Variants in PLOD1 observed in about 807,000 individuals in gnomAD.
PLOD1 encodes the protein lysine hydroxylase.
Under a neutral mutation model 94.7 loss-of-function variants are expected in PLOD1, and 70 were observed. The ratio of observed to expected loss-of-function variants is 0.74; its 90% CI spans 0.61 to 0.90. PLOD1 has a LOEUF of 0.90. Among genes scored for constraint, PLOD1 ranks in the 40% least tolerant of loss-of-function variants. PLOD1 has a pLI of 0.00. For synonymous variants in PLOD1, 417 were observed against 400.2 expected (o/e 1.04, Z -0.50); for missense variants, 905 against 972.7 (o/e 0.93, Z 0.93).
chr1:11,949,749 G>C, intron 2 of PLOD1, 24 bp from the exon 3 acceptor site: 1 of 1,611,970 alleles, frequency 6.2e-7, no homozygotes, highest in Non-Finnish European at 8.5e-7. Context: ...CCAAAAGCCC[G>C]TGTTAAGGGG....
In PLOD1 at chr1:11,960,779, G is replaced by T; in HGVS notation, c.1097+12G>T. 1 of 1,612,520 alleles carries T rather than the reference G, an allele frequency of 6.2e-7. No individual in the cohort carries two copies. On this transcript the variant is annotated intron_variant, in intron 10 of 18. Coordinates refer to ENST00000196061, the MANE Select transcript of PLOD1 (RefSeq NM_000302.4). ...AGGAACATGGGCGCGTGAGTTGTGG[G>T]CCACAGTACTCTCCACTGACAGTGG... is the stretch of plus-strand genomic sequence containing the variant.
intron 15 of PLOD1, chr1:11,966,530 G>C (rs1215194391): frequency 6.9e-6 from 3 of 435,886 alleles, no homozygotes; most frequent in African/African-American, 2.1e-5. Flanking sequence ...GGATGGGGGT[G>C]GGGGGAGGCA....
Position 11,972,735 on chromosome 1 carries a change from A to G in PLOD1, c.1903-137A>G. ...CAGGTAGTTGCAGGCACTCGAGCATAGAGCCCCATGTAGACCTGGCCCCTG... is the reference window on the plus strand; with the variant it reads ...CAGGTAGTTGCAGGCACTCGAGCATGGAGCCCCATGTAGACCTGGCCCCTG... On this transcript the variant is annotated intron_variant, in intron 17 of 18. Coordinates refer to ENST00000196061, the MANE Select transcript of PLOD1 (RefSeq NM_000302.4). This position sits in a 1 kb window ranked among gnomAD's most constrained non-coding sequence, Gnocchi z 4.6. 1 of 878,482 alleles carries G rather than the reference A, an allele frequency of 1.1e-6. No individual in the cohort carries two copies. Among genetic ancestry groups the G allele is most frequent in the South Asian group, 1.3e-5 (1 of 74,092 alleles). The allele number at this position is 878,482 out of a possible 1,614,324, so 54.4% of individuals were successfully genotyped here. A position where few individuals can be genotyped will look rare whatever the true frequency, so the allele number is the denominator to read the frequency against.
In PLOD1 at chr1:11,964,157, G is replaced by A; in HGVS notation, c.1203-18G>A. The A allele has an allele frequency of 6.2e-7, 1 of 1,613,644 alleles. No homozygotes were observed. The highest frequency in any genetic ancestry group is 8.5e-7 in the Non-Finnish European group (1 of 1,179,870). Reference sequence around the variant, plus strand: ...CCAGTGGGCAGCGACCTCCTACTGAGGTGCTCCCTTCCCTCAGGAACGTCA... The same window carrying A: ...CCAGTGGGCAGCGACCTCCTACTGAAGTGCTCCCTTCCCTCAGGAACGTCA... On this transcript the variant is annotated intron_variant, in intron 11 of 18. Coordinates refer to ENST00000196061, the MANE Select transcript of PLOD1 (RefSeq NM_000302.4).
Position 11,953,588 on chromosome 1 carries a change from T to C in PLOD1, c.579+853T>C, listed in dbSNP as rs199783743. Among the ~76,000 whole-genome samples, 13 of 151,560 alleles carry C rather than the reference T, an allele frequency of 8.6e-5. No homozygotes were observed. In the East Asian group the frequency reaches 2.6e-3, roughly 31 times the overall value. ...GGGTGGATCACCTGAGGTCAGGAGT[T>C]TGAGACCAGCCTGGCCAACATGATG... is the stretch of plus-strand genomic sequence containing the variant. On this transcript the variant is annotated intron_variant, in intron 5 of 18. Transcript: ENST00000196061.
At chr1:11,959,432 T>C (rs538421257) in intron 9 of PLOD1, among the ~76,000 whole-genome samples, 34 of 147,232 alleles carry the variant, frequency 2.3e-4, no homozygotes, top group African/African-American at 8.1e-4. Context: ...GGCAGTCAAA[T>C]TGGTTTTCTT....
intron 1 of PLOD1, among the ~76,000 whole-genome samples, chr1:11,940,826 T>A (rs1431872886): frequency 6.6e-6 from 1 of 152,222 alleles, no homozygotes; most frequent in Non-Finnish European, 1.5e-5. Flanking sequence ...AGGGTTTCTC[T>A]GGCCTGGCCT....
chr1:11,950,764 T>C (rs1040125245), intron 4 of PLOD1, among the ~76,000 whole-genome samples: 5 of 152,088 alleles, frequency 3.3e-5, no homozygotes, highest in Non-Finnish European at 5.9e-5. Flanking sequence ...CTTGCCCTCC[T>C]CCACCTACGT....
Position 11,958,004 on chromosome 1 carries a change from G to A in PLOD1, c.843+61G>A, listed in dbSNP as rs531268753. The stretch of plus-strand genomic sequence containing the variant: ...GGGGGGCTCAGTCCCCTGAGATGGC[G>A]AGATGGGTGATTCTGGAATAGACTC... On this transcript the variant is annotated intron_variant, in intron 8 of 18. Coordinates refer to ENST00000196061, the MANE Select transcript of PLOD1 (RefSeq NM_000302.4). The surrounding 1 kb of genome is among the most constrained non-coding windows in gnomAD (Gnocchi z 4.3). 7.7e-6 allele frequency: 8 copies of A among 1,037,066 alleles called. No homozygotes were observed. Among genetic ancestry groups the A allele is most frequent in the South Asian group, 1.3e-5 (1 of 79,480 alleles). 64.2% of individuals were successfully genotyped at this position (1,037,066 alleles called of 1,614,324 possible).
chr1:11,936,627 A>G (rs368732682), intron 1 of PLOD1, among the ~76,000 whole-genome samples: 1 of 151,618 alleles, frequency 6.6e-6, no homozygotes, highest in South Asian at 2.1e-4. Flanking sequence ...GGTTCAAGCA[A>G]TTCTCGTGCG....
Position 11,964,313 on chromosome 1 carries a change from AGGGTGG to A in PLOD1, c.1328+21_1328+26del. On this transcript the variant is annotated intron_variant, in intron 12 of 18. Transcript: ENST00000196061. ...AGGGGCGGCGTGTGTGAGTACCTGC[AGGGTGG>A]GGGTGGGTGGGGGACACCTTCATCT... 1.1e-5 allele frequency: 3 copies of A among 283,488 alleles called. No homozygotes were observed. Among genetic ancestry groups the A allele is most frequent in the South Asian group, 2.6e-5 (1 of 38,840 alleles). The allele number at this position is 283,488 out of a possible 1,614,324, so 17.6% of individuals were successfully genotyped here.
At chr1:11,949,127 C>G (rs962585263) in intron 2 of PLOD1, among the ~76,000 whole-genome samples, 1 of 152,174 alleles carries the variant, frequency 6.6e-6, no homozygotes, top group African/African-American at 2.4e-5. Flanking sequence ...GCCACAGATT[C>G]ATGTGCCCCA....
intron 17 of PLOD1, 62 bp downstream of exon 17, chr1:11,970,878 GCTGGGA>G (rs1645858324): frequency 6.5e-7 from 1 of 1,533,568 alleles, no homozygotes; most frequent in East Asian, 2.3e-5. Context: ...CAGTGGAGTG[GCTGGGA>G]CTGGTGGGGG....
intron 14 of PLOD1, 72 bp downstream of exon 14, chr1:11,965,665 C>T: frequency 1.1e-6 from 1 of 918,368 alleles, no homozygotes; most frequent in Middle Eastern, 2.1e-4. Flanking sequence ...AGGGACTTCC[C>T]TCTCAGAGTC....
rs186854390 is a variant in PLOD1 at position 11,936,016 on chromosome 1, A to T, written c.76+1161A>T. 2.0e-5 allele frequency among the ~76,000 whole-genome samples: 3 copies of T among 152,034 alleles called. No homozygotes were observed. In the East Asian group the frequency reaches 5.8e-4, roughly 29 times the overall value. ...GCTAATTTTTGTATTTTTGGTGGAG[A>T]TGGGGTTTCACCATGTTGGCCAGGC... On this transcript the variant is annotated intron_variant, in intron 1 of 18. Coordinates refer to ENST00000196061, the MANE Select transcript of PLOD1 (RefSeq NM_000302.4).
intron 10 of PLOD1, among the ~76,000 whole-genome samples, chr1:11,962,285 T>C (rs1311825873): frequency 7.0e-6 from 1 of 142,874 alleles, no homozygotes; most frequent in East Asian, 2.0e-4. Flanking sequence ...TTTTTTTTTT[T>C]TTTTTTTTTG....
At chr1:11,943,021 C>T (rs965229842) in intron 1 of PLOD1, among the ~76,000 whole-genome samples, 5 of 152,146 alleles carry the variant, frequency 3.3e-5, no homozygotes, top group Non-Finnish European at 1.5e-5. Flanking sequence ...GAGACTTGCT[C>T]TGTCACCCAG....
intron 3 of PLOD1, 63 bp downstream of exon 3, chr1:11,949,969 T>C: frequency 1.3e-6 from 2 of 1,548,668 alleles, no homozygotes. Context: ...TATTCTAAAA[T>C]GAGGCCCTCC....
chr1:11,943,502 G>C (rs2100737360), intron 1 of PLOD1, among the ~76,000 whole-genome samples: 1 of 152,178 alleles, frequency 6.6e-6, no homozygotes, highest in Admixed American at 6.5e-5. Context: ...TCACCATGTT[G>C]ACCAGGCTGC....
Sources: allele counts gnomAD v4.1 joint callset (sites outside exome capture counted in the v4.1 genomes callset), GRCh38; gene constraint gnomAD v4.1.1; non-coding constraint Gnocchi (gnomAD v3.1); transcripts MANE v1.5; gene names NCBI Gene and HGNC (gene_info 2026-07-23, HGNC 2026-07-21).